Variants in BRD2 observed in about 807,000 individuals in gnomAD.
BRD2 encodes the protein bromodomain-containing protein 2.
A neutral mutation model predicts 79.1 loss-of-function variants in BRD2; 15 were observed. The observed-to-expected ratio is 0.19, with a 90% CI of 0.13 to 0.29. The LOEUF is 0.29. BRD2 is among the 10% of genes least tolerant of loss of function. The pLI is 1.00. For missense variants in BRD2, 1,053 were observed against 991.3 expected (o/e 1.06, Z -0.84); for synonymous variants, 488 against 358.6 (o/e 1.36, Z -4.08).
intron 1 of BRD2, chr6:32,970,091 G>T (rs1011461969): frequency 1.3e-5 from 2 of 152,288 alleles, no homozygotes; most frequent in Non-Finnish European, 2.9e-5. Flanking sequence ...CTTTTCCTAA[G>T]GCCTAGTATT....
Position 32,977,245 on chromosome 6 carries a change from G to A in BRD2, c.1201-197G>A, listed in dbSNP as rs750979578. 14 of 1,536,972 alleles carry A rather than the reference G, an allele frequency of 9.1e-6. No homozygotes were observed. The South Asian group carries it at 1.5e-4, about 17-fold the overall frequency. On this transcript the variant is annotated intron_variant, in intron 7 of 12. Coordinates refer to ENST00000374825, the MANE Select transcript of BRD2 (RefSeq NM_005104.4). ...GGCCACCTCTCTGTCACTTAGAAAT[G>A]ATTTCTTTTTCTAGACATAAATATT...
intron 10 of BRD2, chr6:32,979,074 T>TG (rs1165967985): frequency 6.7e-6 from 1 of 149,276 alleles, no homozygotes; most frequent in African/African-American, 2.5e-5. Context: ...TGTTTTTTGT[T>TG]TTGTTTTTTT....
In BRD2 at chr6:32,980,820, C is replaced by T. The variant is rs891557750; in HGVS notation, c.*102C>T. 6.2e-5 allele frequency: 86 copies of T among 1,391,676 alleles called. No individual in the cohort carries two copies. In the African/African-American group the frequency reaches 7.9e-4, roughly 13 times the overall value. 86.2% of individuals were successfully genotyped at this position (1,391,676 alleles called of 1,614,324 possible). ...CCTTTGCTGTGACACTTCTTCATCT[C>T]ACCCCCCCCCGCCCCCCTCTAGGAG... On this transcript the variant is annotated 3_prime_UTR_variant, in exon 13 of 13. Coordinates refer to ENST00000374825, the MANE Select transcript of BRD2 (RefSeq NM_005104.4).
intron 3 of BRD2, 68 bp from the exon 4 acceptor site, chr6:32,975,316 C>CG: frequency 1.6e-6 from 2 of 1,256,818 alleles, no homozygotes; most frequent in East Asian, 2.6e-5. Flanking sequence ...GTGTGAGAGT[C>CG]GGGGATCGGT....
chr6:32,972,521 G>T lies in BRD2; in HGVS notation c.-378G>T, dbSNP rs547637084. ...CCGCCTCCATCCGAGATCGAAACGGGACCTCGTCGGCCCCGTAGGGGCCCG... is the reference window on the plus strand; with the variant it reads ...CCGCCTCCATCCGAGATCGAAACGGTACCTCGTCGGCCCCGTAGGGGCCCG... On this transcript the variant is annotated 5_prime_UTR_variant, in exon 2 of 13. Coordinates refer to ENST00000374825, the MANE Select transcript of BRD2 (RefSeq NM_005104.4). 14 of 352,568 alleles carry T rather than the reference G, an allele frequency of 4.0e-5. No individual in the cohort carries two copies. The highest frequency in any genetic ancestry group is 1.8e-4 in the Admixed American group (4 of 22,110). 21.8% of individuals were successfully genotyped at this position (352,568 alleles called of 1,614,324 possible).
intron 3 of BRD2, chr6:32,974,979 T>C (rs1778534933): frequency 6.7e-7 from 1 of 1,486,852 alleles, no homozygotes; most frequent in Middle Eastern, 1.7e-4. Flanking sequence ...GTGCCCTCCA[T>C]GTGTCCTTCC....
At position 32,972,420 on chromosome 6, in the gene BRD2, C is replaced by G; in HGVS notation, c.-479C>G. 1 of 300,418 alleles carries G rather than the reference C, an allele frequency of 3.3e-6. No individual in the cohort carries two copies. The highest frequency in any genetic ancestry group is 3.2e-5 in the South Asian group (1 of 30,874). The allele number at this position is 300,418 out of a possible 1,614,324, so 18.6% of individuals were successfully genotyped here. On this transcript the variant is annotated 5_prime_UTR_variant, in exon 2 of 13. Coordinates refer to ENST00000374825, the MANE Select transcript of BRD2 (RefSeq NM_005104.4). ...GCCCCGCCCAATCCTCGGAGTCTGT[C>G]CACCCCCTCTACTCCGCCCTCAAGA...
chr6:32,976,743 A>G lies in BRD2; in HGVS notation c.1007A>G (p.Gln336Arg), dbSNP rs1303153609. 2 of 1,613,192 alleles carry G rather than the reference A, an allele frequency of 1.2e-6. No individual in the cohort carries two copies. Among genetic ancestry groups the G allele is most frequent in the African/African-American group, 2.7e-5 (2 of 74,934 alleles). ...PPRKDLPDSQ[Q>R]QHQSSKKGKL... The stretch of plus-strand genomic sequence containing the variant: ...CGCAAAGACTTGCCTGACTCTCAGC[A>G]ACAACACCAGAGCTCTAAGAAAGGA... The change falls in exon 7 of 13, where the codon CAA becomes CGA. Residue 336 changes from glutamine to arginine, a missense_variant. By Grantham distance (43) the Gln-to-Arg change is conservative. This residue lies in a region of BRD2 where 454 missense variants were observed against 430.5 expected (regional missense o/e 1.05). Transcript: ENST00000374825.
rs769381505 is a variant in BRD2, at chr6:32,975,434, G to A, written c.384G>A (p.Arg128=). Residue 128 remains arginine (R), a synonymous_variant, in exon 4 of 13, where the codon AGG becomes AGA. Coordinates refer to ENST00000374825, the MANE Select transcript of BRD2 (RefSeq NM_005104.4). ...CTATGGACATGGGTACTATTAAGAG[G>A]AGACTTGAAAACAATTATTATTGGG... ...KQPMDMGTIK[R]RLENNYYWAA... 10 of 1,611,404 alleles carry A rather than the reference G, an allele frequency of 6.2e-6. No individual in the cohort carries two copies. In the South Asian group the frequency reaches 7.7e-5, roughly 12 times the overall value.
Position 32,977,585 on chromosome 6 carries a change from T to A in BRD2, c.1329+15T>A. The A allele has an allele frequency of 1.2e-6, 2 of 1,613,458 alleles. No homozygotes were observed. The highest frequency in any genetic ancestry group is 1.7e-6 in the Non-Finnish European group (2 of 1,179,746). On this transcript the variant is annotated intron_variant, in intron 8 of 12. Coordinates refer to ENST00000374825, the MANE Select transcript of BRD2 (RefSeq NM_005104.4). ...GAAAGCTACAGGTGAGTGGAAAGGT[T>A]GGAGTTTGAAAAATAAATGGTATGG...
At position 32,977,828 on chromosome 6, in the gene BRD2, T is replaced by C. The variant is rs1179106342; in HGVS notation, c.1401T>C (p.Thr467=). 1.9e-6 allele frequency: 3 copies of C among 1,613,144 alleles called. No individual in the cohort carries two copies. The highest frequency in any genetic ancestry group is 1.6e-4 in the Middle Eastern group (1 of 6,062). The change falls in exon 9 of 13, where the codon ACT becomes ACC. Residue 467 remains threonine, a synonymous_variant. Coordinates refer to ENST00000374825, the MANE Select transcript of BRD2 (RefSeq NM_005104.4). ...AACCAGGGCCTTTACCAGTCTCTAC[T>C]GCCATGCCCCCTGGCTTGGCCAAAT... ...PLEPGPLPVS[T]AMPPGLAKSS... is the part of the protein sequence containing the mutation.
rs1243705180 is a variant in BRD2, at chr6:32,973,788, ACT to A, written c.30-671_30-670del. On this transcript the variant is annotated intron_variant, in intron 2 of 12. Coordinates refer to ENST00000374825, the MANE Select transcript of BRD2 (RefSeq NM_005104.4). ...TTTTTGACTTCCTTGGAGTGAGGAG[ACT>A]CTGATTTGGTGCGAATAATTTTGAG... is the stretch of plus-strand genomic sequence containing the variant. 1.9e-4 allele frequency among the ~76,000 whole-genome samples: 29 copies of A among 151,574 alleles called. No homozygotes were observed. In the East Asian group the frequency reaches 3.1e-3, roughly 16 times the overall value.
At chr6:32,974,935 A>G in intron 3 of BRD2, 170 bp downstream of exon 3, 2 of 1,408,118 alleles carry the variant, frequency 1.4e-6, no homozygotes, top group Non-Finnish European at 1.9e-6. Context: ...GATTGATCCG[A>G]CCGCTTGCTG....
rs1778915623 is a variant in BRD2, at chr6:32,977,447, G to C, written c.1206G>C (p.Lys402Asn). 1 of 1,613,816 alleles carries C rather than the reference G, an allele frequency of 6.2e-7. No homozygotes were observed. Among genetic ancestry groups the C allele is most frequent in the Non-Finnish European group, 8.5e-7 (1 of 1,180,044 alleles). The change falls in exon 8 of 13, where the codon AAG becomes AAC. Residue 402 changes from lysine to asparagine, a missense_variant. Coordinates refer to ENST00000374825, the MANE Select transcript of BRD2 (RefSeq NM_005104.4). Reference sequence around the variant, plus strand: ...GATGCTGCCTCCTTCTGCAGCGGAAGATGGAGAACCGTGATTACCGGGATG... The same window carrying C: ...GATGCTGCCTCCTTCTGCAGCGGAACATGGAGAACCGTGATTACCGGGATG... ...HPMDLSTVKR[K>N]MENRDYRDAQ... is the part of the protein sequence containing the mutation.
At chr6:32,975,309 T>TATGA in intron 3 of BRD2, 75 bp from the exon 4 acceptor site, 1 of 1,029,892 alleles carries the variant, frequency 9.7e-7, no homozygotes. Context: ...TGTGTGTGTG[T>TATGA]GAGAGTCGGG....
Position 32,981,322 on chromosome 6 carries a change from C to A in BRD2, c.*604C>A, listed in dbSNP as rs1427929039. 6.6e-6 allele frequency: 1 copy of A among 152,090 alleles called. No individual in the cohort carries two copies. The highest frequency in any genetic ancestry group is 1.5e-5 in the Non-Finnish European group (1 of 68,056). 9.4% of individuals were successfully genotyped at this position (152,090 alleles called of 1,614,324 possible). A position where few individuals can be genotyped will look rare whatever the true frequency, so the allele number is the denominator to read the frequency against. ...AAAATATTATTCAAGTTTTGAGTTA[C>A]CTTAATATTTGCTTTTGTAGTGTTT... is the stretch of plus-strand genomic sequence containing the variant. On this transcript the variant is annotated 3_prime_UTR_variant, in exon 13 of 13. Transcript: ENST00000374825.
At chr6:32,972,978 A>T in intron 2 of BRD2, 51 bp downstream of exon 2, 1 of 1,613,972 alleles carries the variant, frequency 6.2e-7, no homozygotes, top group Non-Finnish European at 8.5e-7. Flanking sequence ...GGGCGGCGGC[A>T]CAGGGGTGTG....
chr6:32,969,547 G>A (rs1226750822), intron 1 of BRD2, among the ~76,000 whole-genome samples: 1 of 152,194 alleles, frequency 6.6e-6, no homozygotes, highest in Admixed American at 6.5e-5. Flanking sequence ...CGCCCTTTGT[G>A]TCCGCGGTAG....
chr6:32,975,281 GGGGGGTGT>G (rs1778575783), intron 3 of BRD2, 95 bp from the exon 4 acceptor site: 13 of 492,414 alleles, frequency 2.6e-5, no homozygotes, highest in Middle Eastern at 7.2e-4. Flanking sequence ...TGATGCATAG[GGGGGGTGT>G]GTGTGTGTGT....
Sources: gnomAD v4.1 joint callset for allele counts (sites outside exome capture counted in the v4.1 genomes callset) on GRCh38, gnomAD v4.1.1 for gene constraint, gnomAD v4.1.1 regional missense constraint, MANE v1.5 for transcripts, NCBI Gene and HGNC (gene_info 2026-07-23, HGNC 2026-07-21) for gene names.